The following YWHAE variants were observed in gnomAD, a reference collection of about 807,000 sequenced individuals.
YWHAE encodes the protein tyrosine 3-monooxygenase/tryptophan 5-monooxygenase activation protein epsilon, also known as 14-3-3 protein epsilon.
A neutral mutation model predicts 30.1 loss-of-function variants in YWHAE; 4 were observed. That is an observed-to-expected ratio of 0.13 (90% CI 0.07 to 0.30). The LOEUF is 0.30. Ranked by LOEUF, YWHAE falls within the 10% of genes least tolerant of loss-of-function variation. The probability of loss-of-function intolerance (pLI) is 1.00; values close to 1 mark genes in which losing one functional copy is unlikely to be tolerated. For synonymous variants in YWHAE, 118 were observed against 111.8 expected (o/e 1.06, Z -0.35); for missense variants, 121 against 315.9 (o/e 0.38, Z 4.68).
chr17:1,359,290 C>A (rs930514384), intron 4 of YWHAE, among the ~76,000 whole-genome samples: 10 of 152,064 alleles, frequency 6.6e-5, no homozygotes, highest in African/African-American at 2.4e-4. Flanking sequence ...ACTGCAGAGA[C>A]AGAACAAGAT....
In YWHAE at chr17:1,400,028, C is replaced by CCA; in HGVS notation, c.64+18_64+19insTG. 8 of 1,608,102 alleles carry CCA rather than the reference C, an allele frequency of 5.0e-6. No homozygotes were observed. Among genetic ancestry groups the CCA allele is most frequent in the South Asian group, 1.1e-5 (1 of 90,974 alleles). On this transcript the variant is annotated intron_variant, in intron 1 of 5. Transcript: ENST00000264335. ...AGAGGGTCCGAGAATTCCAGCCCCCCGTTGCCCCCCCAACTCACCGTCGTA... is the reference window on the plus strand; with the variant it reads ...AGAGGGTCCGAGAATTCCAGCCCCCCCAGTTGCCCCCCCAACTCACCGTCGTA...
intron 4 of YWHAE, among the ~76,000 whole-genome samples, chr17:1,355,959 G>A (rs2072733674): frequency 6.6e-6 from 1 of 152,054 alleles, no homozygotes; most frequent in South Asian, 2.1e-4. Flanking sequence ...ACGTGGTTAG[G>A]AGATCGAGAC....
At chr17:1,394,444 A>AAAAAAAAAAAAAAAAACAAAAC (rs2073434395) in intron 1 of YWHAE, among the ~76,000 whole-genome samples, 1 of 139,658 alleles carries the variant, frequency 7.2e-6, no homozygotes, top group African/African-American at 2.9e-5. Flanking sequence ...CACAAAAAAA[A>AAAAAAAAAAAAAAAAACAAAAC]AAAAAAAAAA....
chr17:1,367,397 G>GT (rs769961670), intron 1 of YWHAE, among the ~76,000 whole-genome samples: 3 of 152,194 alleles, frequency 2.0e-5, no homozygotes, highest in Non-Finnish European at 4.4e-5. Flanking sequence ...GAGCCCAGTA[G>GT]TTTGAGACCA....
intron 5 of YWHAE, 49 bp downstream of exon 5, chr17:1,354,162 C>T: frequency 6.3e-7 from 1 of 1,597,398 alleles, no homozygotes; most frequent in Non-Finnish European, 8.5e-7. Flanking sequence ...AGAGTACAAA[C>T]AAATCCTGCA....
At chr17:1,357,441 G>A (rs1328562249) in intron 4 of YWHAE, among the ~76,000 whole-genome samples, 7 of 151,330 alleles carry the variant, frequency 4.6e-5, no homozygotes, top group South Asian at 2.1e-4. Flanking sequence ...TTAACCGGGC[G>A]TGGTGGCGGG....
intron 5 of YWHAE, chr17:1,348,020 G>A (rs201617430): frequency 2.8e-5 from 28 of 1,007,332 alleles, no homozygotes; most frequent in Middle Eastern, 9.7e-4. Flanking sequence ...TATATTGCAA[G>A]GAAAAAGGGA....
chr17:1,381,230 T>A (rs914312663), intron 1 of YWHAE, among the ~76,000 whole-genome samples: 1 of 151,996 alleles, frequency 6.6e-6, no homozygotes, highest in Non-Finnish European at 1.5e-5. Context: ...ATACAAAAAT[T>A]AGTCCGGGTG....
At chr17:1,381,091 A>C (rs2073198881) in intron 1 of YWHAE, among the ~76,000 whole-genome samples, 2 of 152,218 alleles carry the variant, frequency 1.3e-5, no homozygotes, top group African/African-American at 4.8e-5. Context: ...ATATTGATTA[A>C]ATGGTCCAAG....
intron 1 of YWHAE, among the ~76,000 whole-genome samples, chr17:1,391,926 A>T (rs2073394308): frequency 6.6e-6 from 1 of 152,128 alleles, no homozygotes; most frequent in African/African-American, 2.4e-5. Context: ...TCTACCAAAA[A>T]AATTTTTTTG....
chr17:1,394,668 A>T (rs969649498), intron 1 of YWHAE, among the ~76,000 whole-genome samples: 3 of 151,950 alleles, frequency 2.0e-5, no homozygotes, highest in African/African-American at 7.3e-5. Context: ...TGTGCCCATT[A>T]AAAAATTAAA....
intron 1 of YWHAE, among the ~76,000 whole-genome samples, chr17:1,388,574 CTTTTT>C (rs61089437): frequency 7.4e-6 from 1 of 135,636 alleles, no homozygotes; most frequent in Non-Finnish European, 1.6e-5. Flanking sequence ...CATGCCCAGC[CTTTTT>C]TTTTTTTTTT....
Position 1,357,275 on chromosome 17 carries a change from C to A in YWHAE, c.579-2928G>T, listed in dbSNP as rs370117760. ...AAAATTAGCCGGGCGTGGTGGCGGGCGCCTGTAGTCCCAGCTACTCGGGAG... is the reference window on the plus strand; with the variant it reads ...AAAATTAGCCGGGCGTGGTGGCGGGAGCCTGTAGTCCCAGCTACTCGGGAG... On this transcript the variant is annotated intron_variant, in intron 4 of 5. Transcript: ENST00000264335. Among the ~76,000 whole-genome samples the A allele has an allele frequency of 2.7e-5, 4 of 150,678 alleles. No homozygotes were observed. In the East Asian group the frequency reaches 5.9e-4, roughly 22 times the overall value.
chr17:1,399,791 A>C, intron 1 of YWHAE: 3 of 305,624 alleles, frequency 9.8e-6, no homozygotes, highest in Non-Finnish European at 1.1e-5. Flanking sequence ...GCCATTTTAC[A>C]ACCAACTCCT....
chr17:1,346,565 C>A (rs1055607200), intron 5 of YWHAE, among the ~76,000 whole-genome samples: 3 of 152,170 alleles, frequency 2.0e-5, no homozygotes, highest in African/African-American at 7.2e-5. Context: ...CTCAAAATGA[C>A]AAATGTCACA....
At chr17:1,350,432 G>A (rs548333222) in intron 5 of YWHAE, among the ~76,000 whole-genome samples, 92 of 151,844 alleles carry the variant, frequency 6.1e-4, no homozygotes, top group African/African-American at 2.1e-3. Context: ...GGTATCAAAT[G>A]TGTTTTCTTG....
At chr17:1,347,514 A>C (rs1166346881) in intron 5 of YWHAE, among the ~76,000 whole-genome samples, 1 of 152,166 alleles carries the variant, frequency 6.6e-6, no homozygotes, top group East Asian at 1.9e-4. Flanking sequence ...AAACTACTTA[A>C]AATACATGAA....
At chr17:1,379,337 T>C (rs936506311) in intron 1 of YWHAE, among the ~76,000 whole-genome samples, 5 of 151,978 alleles carry the variant, frequency 3.3e-5, no homozygotes, top group Non-Finnish European at 5.9e-5. Context: ...TATAAAAAAT[T>C]AGCCGGGCGT....
rs1350554790 is a variant in YWHAE, at chr17:1,379,617, G to A, written c.65-14559C>T. 4.6e-5 allele frequency among the ~76,000 whole-genome samples: 7 copies of A among 152,296 alleles called. No homozygotes were observed. In the South Asian group the frequency reaches 1.2e-3, roughly 27 times the overall value. ...CAAAATGTCAAATCTGTAGCTTGAG[G>A]AGTCTTAAATCATATTTTCTTAGAA... On this transcript the variant is annotated intron_variant, in intron 1 of 5. Coordinates refer to ENST00000264335, the MANE Select transcript of YWHAE (RefSeq NM_006761.5).
Sources: allele counts gnomAD v4.1 joint callset (sites outside exome capture counted in the v4.1 genomes callset), GRCh38; gene constraint gnomAD v4.1.1; transcripts MANE v1.5; gene names NCBI Gene and HGNC (gene_info 2026-07-23, HGNC 2026-07-21).